The following ACSL3 variants were observed in gnomAD, a reference collection of about 807,000 sequenced individuals.
The protein encoded by ACSL3 is acyl-CoA synthetase long chain family member 3.
A neutral mutation model predicts 84.7 loss-of-function variants in ACSL3; 34 were observed. That is an observed-to-expected ratio of 0.40 (90% CI 0.31 to 0.53). The LOEUF (loss-of-function observed/expected upper bound fraction) is 0.53, where lower values mean the gene tolerates loss of function less well. ACSL3 is among the 20% of genes least tolerant of loss of function. The pLI, the probability that ACSL3 is intolerant of heterozygous loss-of-function variation, is 0.48. For missense variants in ACSL3, 680 were observed against 873.1 expected (o/e 0.78, Z 2.79); for synonymous variants, 315 against 299.4 (o/e 1.05, Z -0.54).
At chr2:222,918,691 G>A (rs1410511340) in intron 6 of ACSL3, among the ~76,000 whole-genome samples, 2 of 147,204 alleles carry the variant, frequency 1.4e-5, no homozygotes, top group African/African-American at 2.5e-5. Context: ...GAACAAGTTT[G>A]CATGTGAATT....
At chr2:222,901,908 C>T (rs887230399) in intron 3 of ACSL3, among the ~76,000 whole-genome samples, 4 of 130,446 alleles carry the variant, frequency 3.1e-5, no homozygotes, top group Non-Finnish European at 4.6e-5. Flanking sequence ...CGCGCCACTG[C>T]ACTCCAGCCT....
intron 1 of ACSL3, among the ~76,000 whole-genome samples, chr2:222,879,024 C>T (rs990843470): frequency 6.6e-6 from 1 of 152,038 alleles, no homozygotes; most frequent in Non-Finnish European, 1.5e-5. Context: ...AAAACAACAA[C>T]ACACATTTAG....
chr2:222,934,108 A>G (rs1242641127), intron 15 of ACSL3, among the ~76,000 whole-genome samples: 1 of 152,156 alleles, frequency 6.6e-6, no homozygotes, highest in African/African-American at 2.4e-5. Flanking sequence ...AAAAGAATAT[A>G]TTCACATCAT....
rs1697409164 is a variant in ACSL3 at position 222,944,413 on chromosome 2, C to CT, written c.*2763dup. On this transcript the variant is annotated 3_prime_UTR_variant, in exon 17 of 17. Transcript: ENST00000357430. ...CTGTGATGTTTTACAGGGGGATCCG[C>CT]TTTTAAACAGTGTACATATTGGACC... 6.6e-6 allele frequency: 1 copy of CT among 152,020 alleles called. No homozygotes were observed. The highest frequency in any genetic ancestry group is 2.4e-5 in the African/African-American group (1 of 41,388). 9.4% of individuals were successfully genotyped at this position (152,020 alleles called of 1,614,324 possible).
chr2:222,909,273 A>G, intron 4 of ACSL3, 123 bp downstream of exon 4: 1 of 967,288 alleles, frequency 1.0e-6, no homozygotes, highest in Non-Finnish European at 1.5e-6. Flanking sequence ...CAGTGTAGGA[A>G]GGGGGCTAGA....
At chr2:222,896,870 C>G (rs1266951047) in intron 2 of ACSL3, among the ~76,000 whole-genome samples, 44 of 14,834 alleles carry the variant, frequency 3.0e-3, no homozygotes, top group South Asian at 0.015. Flanking sequence ...GCTGGCCGGG[C>G]GGGGGGCCGA....
intron 12 of ACSL3, among the ~76,000 whole-genome samples, chr2:222,928,389 C>T (rs549347460): frequency 3.9e-5 from 6 of 152,292 alleles, no homozygotes; most frequent in Admixed American, 6.5e-5. Context: ...GTAGAATAGA[C>T]GTAAACCATT....
intron 1 of ACSL3, among the ~76,000 whole-genome samples, chr2:222,870,048 C>A (rs1272591866): frequency 6.6e-6 from 1 of 150,964 alleles, no homozygotes; most frequent in Non-Finnish European, 1.5e-5. Flanking sequence ...GTAACCCTGC[C>A]GTTGAGACTG....
chr2:222,879,127 G>C (rs1259484699), intron 1 of ACSL3, among the ~76,000 whole-genome samples: 4 of 152,164 alleles, frequency 2.6e-5, no homozygotes, highest in Non-Finnish European at 5.9e-5. Flanking sequence ...GACTATCCTG[G>C]TCAACATGGG....
At chr2:222,915,742 T>G (rs923999330) in intron 4 of ACSL3, among the ~76,000 whole-genome samples, 4 of 152,238 alleles carry the variant, frequency 2.6e-5, no homozygotes, top group Non-Finnish European at 4.4e-5. Flanking sequence ...CTAGTCCACC[T>G]GGTTATGTAA....
At position 222,942,662 on chromosome 2, in the gene ACSL3, C is replaced by A. The variant is rs4674730; in HGVS notation, c.*1008C>A. On this transcript the variant is annotated 3_prime_UTR_variant, in exon 17 of 17. Transcript: ENST00000357430. ...TTTCATTTTAAAATTAGTGTTTTTC[C>A]TAGTTTGCACTGATGCGTGTATGGA... The A allele has an allele frequency of 0.9, 187,673 of 207,554 alleles. 85,005 individuals are homozygous for A. The highest frequency in any genetic ancestry group is 0.98 in the East Asian group (13,091 of 13,340). The allele number at this position is 207,554 out of a possible 1,614,324, so 12.9% of individuals were successfully genotyped here. A position where few individuals can be genotyped will look rare whatever the true frequency, so the allele number is the denominator to read the frequency against.
chr2:222,903,956 C>T (rs1050535014), intron 3 of ACSL3, among the ~76,000 whole-genome samples: 3 of 152,150 alleles, frequency 2.0e-5, no homozygotes, highest in Admixed American at 2.0e-4. Flanking sequence ...AAAAAAAAGC[C>T]CTTTAATAAA....
intron 1 of ACSL3, among the ~76,000 whole-genome samples, chr2:222,863,481 C>T (rs1695062923): frequency 6.6e-6 from 1 of 152,184 alleles, no homozygotes; most frequent in Admixed American, 6.5e-5. Context: ...TACAAGTTGT[C>T]ATTCTGTCTG....
intron 2 of ACSL3, among the ~76,000 whole-genome samples, chr2:222,888,785 C>T (rs112694248): frequency 1.1e-4 from 17 of 152,244 alleles, no homozygotes; most frequent in African/African-American, 3.4e-4. Flanking sequence ...TTGTTTGCGA[C>T]GCTTTGTTTG....
At chr2:222,936,034 G>C (rs1008177977) in intron 16 of ACSL3, among the ~76,000 whole-genome samples, 3 of 151,934 alleles carry the variant, frequency 2.0e-5, no homozygotes, top group African/African-American at 4.8e-5. Context: ...TTTTGTGACT[G>C]TCTTATTTAG....
intron 2 of ACSL3, among the ~76,000 whole-genome samples, chr2:222,891,994 G>T (rs1267809129): frequency 4.0e-5 from 6 of 151,870 alleles, no homozygotes; most frequent in African/African-American, 1.5e-4. Context: ...GAATCTTTTC[G>T]ACAATTTTAT....
rs1695759851 is a variant in ACSL3 at position 222,887,843 on chromosome 2, G to GGC, written c.-190_-189dup. 6.6e-6 allele frequency: 1 copy of GGC among 152,074 alleles called. No homozygotes were observed. The highest frequency in any genetic ancestry group is 2.4e-5 in the African/African-American group (1 of 41,396). The allele number at this position is 152,074 out of a possible 1,614,324, so 9.4% of individuals were successfully genotyped here. On this transcript the variant is annotated 5_prime_UTR_variant, in exon 2 of 17. Transcript: ENST00000357430. Reference sequence around the variant, plus strand: ...TTGTTTTGACAGGTTTTGACACAAGGGCGCATATCTTCAAAGCACCTAGTA... The same window carrying GGC: ...TTGTTTTGACAGGTTTTGACACAAGGGCGCGCATATCTTCAAAGCACCTAGTA...
intron 16 of ACSL3, among the ~76,000 whole-genome samples, chr2:222,936,603 C>T (rs1697174911): frequency 2.1e-5 from 1 of 48,776 alleles, no homozygotes; most frequent in African/African-American, 8.5e-5. Flanking sequence ...CAGAATTCTG[C>T]ACCCTCCCCC....
At chr2:222,903,637 A>G (rs1312341367) in intron 3 of ACSL3, among the ~76,000 whole-genome samples, 1 of 152,236 alleles carries the variant, frequency 6.6e-6, no homozygotes, top group East Asian at 1.9e-4. Flanking sequence ...CAGAATTTAT[A>G]AAATTTTTTT....
Sources: gnomAD v4.1 joint callset for allele counts (sites outside exome capture counted in the v4.1 genomes callset) on GRCh38, gnomAD v4.1.1 for gene constraint, MANE v1.5 for transcripts, NCBI Gene and HGNC (gene_info 2026-07-23, HGNC 2026-07-21) for gene names.